Variants in DAB1 observed in about 807,000 individuals in gnomAD.
The protein encoded by DAB1 is disabled homolog 1.
A neutral mutation model predicts 64.6 loss-of-function variants in DAB1; 15 were observed. That is an observed-to-expected ratio of 0.23 (90% CI 0.16 to 0.36). The LOEUF is 0.36. Among genes scored for constraint, DAB1 ranks in the 10% least tolerant of loss-of-function variants. The probability of loss-of-function intolerance (pLI) is 1.00; values close to 1 mark genes in which losing one functional copy is unlikely to be tolerated. For missense variants in DAB1, 596 were observed against 706.7 expected, an observed-to-expected ratio of 0.84 and a Z score of 1.78; for synonymous variants, 235 against 251.9, an observed-to-expected ratio of 0.93 and a Z score of 0.64.
chr1:57,034,008 G>T (rs1306976395), intron 9 of DAB1, among the ~76,000 whole-genome samples: 1 of 152,062 alleles, frequency 6.6e-6, no homozygotes, highest in Non-Finnish European at 1.5e-5. Context: ...TCGGCCGGGC[G>T]CGGTGGCTCA....
rs1283771071 is a variant in DAB1, at chr1:56,995,089, G to T, written c.*3055C>A. The T allele has an allele frequency of 2.0e-5, 3 of 152,172 alleles. No individual in the cohort carries two copies. In the East Asian group the frequency reaches 5.8e-4, roughly 29 times the overall value. 9.4% of individuals were successfully genotyped at this position (152,172 alleles called of 1,614,324 possible). A position where few individuals can be genotyped will look rare whatever the true frequency, so the allele number is the denominator to read the frequency against. ...GGTGCCCAGTACATTACATGATGGG[G>T]TTTCAGGAGACACTGGGATGAGTAC... On this transcript the variant is annotated 3_prime_UTR_variant, in exon 15 of 15. Transcript: ENST00000371236.
chr1:57,194,459 GATAAA>G (rs1184418184), intron 2 of DAB1, among the ~76,000 whole-genome samples: 2 of 152,108 alleles, frequency 1.3e-5, no homozygotes, highest in African/African-American at 2.4e-5. Flanking sequence ...CAAAGACAGT[GATAAA>G]ATAAAAGAGT....
At chr1:57,331,883 AGGAATCTTG>A (rs1173607078) in intron 1 of DAB1, among the ~76,000 whole-genome samples, 1 of 152,250 alleles carries the variant, frequency 6.6e-6, no homozygotes, top group Non-Finnish European at 1.5e-5. Flanking sequence ...AGAAAGGCAG[AGGAATCTTG>A]GGTTCTTGAT....
At chr1:57,946,021 G>A (rs1645179183) in intron 5 of DAB1, among the ~76,000 whole-genome samples, 1 of 152,162 alleles carries the variant, frequency 6.6e-6, no homozygotes, top group African/African-American at 2.4e-5. Flanking sequence ...ACCACAGGCT[G>A]CTACTCCATT....
chr1:58,074,265 G>C (rs1410098096), intron 5 of DAB1: 1 of 151,884 alleles, frequency 6.6e-6, no homozygotes, highest in Non-Finnish European at 1.5e-5. Context: ...TTATTCTGTG[G>C]TCATTGGGTA....
At chr1:58,313,310 G>A (rs1253705091) in intron 4 of DAB1, among the ~76,000 whole-genome samples, 2 of 152,152 alleles carry the variant, frequency 1.3e-5, no homozygotes, top group Non-Finnish European at 2.9e-5. Flanking sequence ...CTAGTAGTAG[G>A]TGGGGCTCCT....
rs79315051 is a variant in DAB1 at position 57,568,871 on chromosome 1, A to G, written n.625+80721T>C. The stretch of plus-strand genomic sequence containing the variant: ...CAACCATTGTGGAAGTCAGTGTGGC[A>G]ATTCCTCAGGGATCTAGAACTAGAA... On this transcript the variant is annotated intron_variant and non_coding_transcript_variant, in intron 7 of 20. Coordinates refer to the DAB1 transcript ENST00000485760. Among the ~76,000 whole-genome samples the G allele has an allele frequency of 1.2e-3, 178 of 152,246 alleles. 4 individuals carry two copies. In the East Asian group the frequency reaches 0.031, roughly 27 times the overall value.
At chr1:57,965,777 T>G (rs997643961) in intron 5 of DAB1, among the ~76,000 whole-genome samples, 5 of 152,082 alleles carry the variant, frequency 3.3e-5, no homozygotes, top group African/African-American at 1.2e-4. Context: ...GAGCTCACAA[T>G]CTTTAGGGGA....
intron 5 of DAB1, among the ~76,000 whole-genome samples, chr1:57,997,597 G>A (rs946475399): frequency 6.6e-6 from 1 of 152,116 alleles, no homozygotes; most frequent in South Asian, 2.1e-4. Context: ...AACAGCATCC[G>A]ATTTGGGGAG....
At chr1:57,047,647 C>T (rs1029985243) in intron 9 of DAB1, among the ~76,000 whole-genome samples, 5 of 152,246 alleles carry the variant, frequency 3.3e-5, no homozygotes, top group East Asian at 1.9e-4. Context: ...CTCCATAACT[C>T]GGGAAAATAA....
At position 58,310,809 on chromosome 1, in the gene DAB1, T is replaced by C. The variant is rs537974844; in HGVS notation, n.309+32543A>G. On this transcript the variant is annotated intron_variant and non_coding_transcript_variant, in intron 4 of 20. Transcript: ENST00000485760. ...TTACATATACCAATATTCACTCGTA[T>C]AATCATTCCATGACCCCTTGCTGAG... is the stretch of plus-strand genomic sequence containing the variant. Among the ~76,000 whole-genome samples the C allele has an allele frequency of 2.2e-4, 33 of 150,810 alleles. No homozygotes were observed. In the South Asian group the frequency reaches 2.3e-3, roughly 10 times the overall value.
At chr1:58,059,439 C>A (rs960682292) in intron 5 of DAB1, among the ~76,000 whole-genome samples, 1 of 152,246 alleles carries the variant, frequency 6.6e-6, no homozygotes, top group Non-Finnish European at 1.5e-5. Flanking sequence ...CACACAGTAA[C>A]AACTCAATAA....
chr1:57,301,012 G>A (rs957942079), intron 1 of DAB1, among the ~76,000 whole-genome samples: 11 of 151,678 alleles, frequency 7.3e-5, no homozygotes, highest in Admixed American at 7.2e-4. Context: ...CCAAGCAAAA[G>A]ACTGCTGCAT....
At chr1:57,011,646 T>A (rs1646269031) in intron 12 of DAB1, among the ~76,000 whole-genome samples, 1 of 152,222 alleles carries the variant, frequency 6.6e-6, no homozygotes, top group African/African-American at 2.4e-5. Context: ...TGATGCATGA[T>A]CAAGCTGAGA....
intron 6 of DAB1, among the ~76,000 whole-genome samples, chr1:57,687,426 A>T (rs947578190): frequency 5.3e-5 from 8 of 151,992 alleles, no homozygotes; most frequent in African/African-American, 1.9e-4. Context: ...CATGCTCATG[A>T]ATTGGAAGAA....
chr1:57,060,135 A>G (rs990683761), intron 9 of DAB1, among the ~76,000 whole-genome samples: 2 of 146,114 alleles, frequency 1.4e-5, no homozygotes. Context: ...TTTTTATTTT[A>G]TTTTATTTTA....
intron 2 of DAB1, among the ~76,000 whole-genome samples, chr1:57,180,620 T>C (rs1662816092): frequency 6.6e-6 from 1 of 152,162 alleles, no homozygotes; most frequent in South Asian, 2.1e-4. Flanking sequence ...TGACAAAATA[T>C]GTTACTTAGC....
chr1:57,365,998 TA>T (rs2100915563), intron 1 of DAB1, among the ~76,000 whole-genome samples: 1 of 152,338 alleles, frequency 6.6e-6, no homozygotes, highest in East Asian at 1.9e-4. Context: ...TCTCCTGATA[TA>T]TACAATAGTA....
intron 4 of DAB1, among the ~76,000 whole-genome samples, chr1:58,331,028 T>A (rs540200429): frequency 1.3e-5 from 2 of 152,208 alleles, no homozygotes; most frequent in African/African-American, 4.8e-5. Context: ...ATTCCTCTGA[T>A]GGATCTGGGC....
Sources: allele counts gnomAD v4.1 joint callset (sites outside exome capture counted in the v4.1 genomes callset), GRCh38; gene constraint gnomAD v4.1.1; transcripts MANE v1.5; gene names NCBI Gene and HGNC (gene_info 2026-07-23, HGNC 2026-07-21).